The following GRID2 variants were observed in gnomAD, a reference collection of about 807,000 sequenced individuals.
The protein encoded by GRID2 is glutamate receptor ionotropic, delta-2.
Under a neutral mutation model 114.8 loss-of-function variants are expected in GRID2, and 33 were observed. The observed-to-expected ratio is 0.29, with a 90% confidence interval of 0.22 to 0.38. The LOEUF (loss-of-function observed/expected upper bound fraction) is 0.38, where lower values mean the gene tolerates loss of function less well. Among genes scored for constraint, GRID2 ranks in the 10% least tolerant of loss-of-function variants. The pLI is 1.00. For synonymous variants in GRID2, 505 were observed against 449.9 expected (o/e 1.12, Z -1.55); for missense variants, 1,184 against 1,257.7 (o/e 0.94, Z 0.89).
chr4:93,169,834 A>G (rs1738622787), intron 4 of GRID2, among the ~76,000 whole-genome samples: 1 of 152,228 alleles, frequency 6.6e-6, no homozygotes, highest in Non-Finnish European at 1.5e-5. Flanking sequence ...AATTGCAGGA[A>G]TCAAGAAAAC....
At chr4:92,485,579 A>G (rs1722845890) in intron 1 of GRID2, among the ~76,000 whole-genome samples, 1 of 151,572 alleles carries the variant, frequency 6.6e-6, no homozygotes, top group South Asian at 2.1e-4. Context: ...TGTCCCAGCT[A>G]CTTGGTAGGA....
intron 2 of GRID2, among the ~76,000 whole-genome samples, chr4:92,959,229 G>T (rs1231350482): frequency 6.7e-6 from 1 of 150,332 alleles, no homozygotes; most frequent in Non-Finnish European, 1.5e-5. Flanking sequence ...ATTACTTCCA[G>T]TTACTTTTTA....
chr4:93,210,093 G>A (rs147458721), intron 5 of GRID2, among the ~76,000 whole-genome samples: 1 of 151,954 alleles, frequency 6.6e-6, no homozygotes, highest in Non-Finnish European at 1.5e-5. Context: ...GCATAAGCTC[G>A]TTAGTTTAAT....
intron 2 of GRID2, among the ~76,000 whole-genome samples, chr4:92,825,845 TG>T (rs2149392742): frequency 6.6e-6 from 1 of 152,222 alleles, no homozygotes; most frequent in South Asian, 2.1e-4. Flanking sequence ...TTAGCAACAC[TG>T]GGGAACTACT....
At chr4:93,290,358 G>A (rs72874917) in intron 8 of GRID2, among the ~76,000 whole-genome samples, 7,605 of 152,130 alleles carry the variant, frequency 0.05, 624 homozygotes, top group African/African-American at 0.17. Flanking sequence ...ATTTTTAACA[G>A]AGATTTCTCT....
At chr4:93,008,358 G>A (rs1394734132) in intron 2 of GRID2, among the ~76,000 whole-genome samples, 2 of 152,082 alleles carry the variant, frequency 1.3e-5, no homozygotes, top group Non-Finnish European at 2.9e-5. Flanking sequence ...CAGTATGGTA[G>A]AGTTGTAAAA....
In GRID2 at chr4:92,304,595, C is replaced by T; in HGVS notation, c.-62C>T. On this transcript the variant is annotated 5_prime_UTR_variant, in exon 1 of 16. Coordinates refer to ENST00000282020, the MANE Select transcript of GRID2 (RefSeq NM_001510.4). Reference sequence around the variant, plus strand: ...CCACCGTGACCTCAAACTCTTTGGACTGTTTGAAAAAAAAAAAATTGGAAG... The same window carrying T: ...CCACCGTGACCTCAAACTCTTTGGATTGTTTGAAAAAAAAAAAATTGGAAG... 5.4e-6 allele frequency: 6 copies of T among 1,102,244 alleles called. No individual in the cohort carries two copies. Among genetic ancestry groups the T allele is most frequent in the Admixed American group, 1.7e-5 (1 of 58,642 alleles). The allele number at this position is 1,102,244 out of a possible 1,614,324, so 68.3% of individuals were successfully genotyped here.
intron 1 of GRID2, among the ~76,000 whole-genome samples, chr4:92,461,235 G>T (rs952046729): frequency 2.6e-5 from 4 of 151,878 alleles, no homozygotes; most frequent in African/African-American, 9.7e-5. Context: ...ATGTTACATG[G>T]TAAGTCCTTA....
intron 2 of GRID2, among the ~76,000 whole-genome samples, chr4:92,789,836 G>C (rs1441999772): frequency 6.6e-6 from 1 of 151,786 alleles, no homozygotes; most frequent in Non-Finnish European, 1.5e-5. Flanking sequence ...TTTATACTGT[G>C]TGCTCATATT....
At chr4:92,356,714 G>C (rs962131592) in intron 1 of GRID2, among the ~76,000 whole-genome samples, 4 of 151,598 alleles carry the variant, frequency 2.6e-5, no homozygotes, top group African/African-American at 7.3e-5. Flanking sequence ...ACTGTGTTTT[G>C]CTGTGTCTAC....
intron 2 of GRID2, among the ~76,000 whole-genome samples, chr4:92,756,585 T>C (rs935448518): frequency 6.6e-6 from 1 of 152,192 alleles, no homozygotes; most frequent in African/African-American, 2.4e-5. Flanking sequence ...AATTCCCTTT[T>C]CTCTGCATCT....
At chr4:92,837,033 A>G (rs945284564) in intron 2 of GRID2, among the ~76,000 whole-genome samples, 2 of 152,094 alleles carry the variant, frequency 1.3e-5, no homozygotes, top group Admixed American at 6.6e-5. Flanking sequence ...CAGAAGGCCA[A>G]TGACTGAGAC....
chr4:93,179,964 T>C (rs1269353788), intron 4 of GRID2, among the ~76,000 whole-genome samples: 1 of 152,154 alleles, frequency 6.6e-6, no homozygotes, highest in Non-Finnish European at 1.5e-5. Context: ...GAATTTTGCA[T>C]TCTAACTCTC....
intron 1 of GRID2, among the ~76,000 whole-genome samples, chr4:92,475,720 G>T (rs536586796): frequency 6.6e-6 from 1 of 151,890 alleles, no homozygotes; most frequent in South Asian, 2.1e-4. Flanking sequence ...CATCATGGGG[G>T]CGTTCATAGG....
At chr4:92,659,970 T>G (rs1416549500) in intron 2 of GRID2, among the ~76,000 whole-genome samples, 1 of 151,466 alleles carries the variant, frequency 6.6e-6, no homozygotes. Flanking sequence ...CACTGAACGT[T>G]AACGTTCACT....
intron 13 of GRID2, among the ~76,000 whole-genome samples, chr4:93,536,647 CTTT>C (rs200767918): frequency 1.5e-5 from 1 of 68,264 alleles, no homozygotes; most frequent in Non-Finnish European, 3.1e-5. Context: ...TTTTTGACTT[CTTT>C]TTTTTTTTTT....
At chr4:93,374,320 G>A (rs1763186869) in intron 8 of GRID2, among the ~76,000 whole-genome samples, 2 of 152,124 alleles carry the variant, frequency 1.3e-5, no homozygotes, top group Non-Finnish European at 1.5e-5. Context: ...CACATGTGAG[G>A]AAACAGCAAT....
intron 2 of GRID2, among the ~76,000 whole-genome samples, chr4:92,639,151 CTT>C (rs1246834668): frequency 6.6e-6 from 1 of 151,546 alleles, no homozygotes; most frequent in Non-Finnish European, 1.5e-5. Context: ...TCTAGAAAGA[CTT>C]TATTTGTTAT....
At chr4:93,221,932 G>T (rs895359702) in intron 6 of GRID2, among the ~76,000 whole-genome samples, 12 of 152,250 alleles carry the variant, frequency 7.9e-5, no homozygotes, top group African/African-American at 2.6e-4. Context: ...ATGCCTCACG[G>T]TCTGCAAAAG....
Sources: gnomAD v4.1 joint callset for allele counts (sites outside exome capture counted in the v4.1 genomes callset) on GRCh38, gnomAD v4.1.1 for gene constraint, MANE v1.5 for transcripts, NCBI Gene and HGNC (gene_info 2026-07-23, HGNC 2026-07-21) for gene names.